Variants in VAV3 observed in about 807,000 individuals in gnomAD.
VAV3 encodes vav guanine nucleotide exchange factor 3, also known as guanine nucleotide exchange factor VAV3.
VAV3 carries 94 observed loss-of-function variants against 131.2 expected under a neutral mutation model. That is an observed-to-expected ratio of 0.72 (90% CI 0.61 to 0.85). The LOEUF (loss-of-function observed/expected upper bound fraction) is 0.85. VAV3 is among the 40% of genes least tolerant of loss of function. VAV3 has a pLI of 0.00. For synonymous variants in VAV3, 349 were observed against 342.0 expected, an observed-to-expected ratio of 1.02 and a Z score of -0.22; for missense variants, 939 against 1,002.7, an observed-to-expected ratio of 0.94 and a Z score of 0.86.
At chr1:107,583,676 T>G (rs917750282) in intron 25 of VAV3, among the ~76,000 whole-genome samples, 1 of 151,454 alleles carries the variant, frequency 6.6e-6, no homozygotes. Flanking sequence ...GAGAATAAAA[T>G]ACCTAGGAAT....
chr1:107,639,888 TGTA>T (rs1426181449), intron 20 of VAV3, among the ~76,000 whole-genome samples: 1 of 151,334 alleles, frequency 6.6e-6, no homozygotes, highest in African/African-American at 2.4e-5. Context: ...GAGCTACGAT[TGTA>T]GTACCACACA....
At chr1:107,582,405 G>GTA (rs998559305) in intron 25 of VAV3, among the ~76,000 whole-genome samples, 5 of 152,032 alleles carry the variant, frequency 3.3e-5, no homozygotes, top group South Asian at 2.1e-4. Context: ...ACTGCTTATT[G>GTA]TATATATATA....
At chr1:107,928,675 C>G (rs1673274692) in intron 1 of VAV3, among the ~76,000 whole-genome samples, 1 of 151,986 alleles carries the variant, frequency 6.6e-6, no homozygotes, top group Non-Finnish European at 1.5e-5. Context: ...GTGAGCTTGA[C>G]AGCAGGCTAG....
intron 12 of VAV3, among the ~76,000 whole-genome samples, chr1:107,751,673 GC>G (rs1450031556): frequency 6.7e-6 from 1 of 149,976 alleles, no homozygotes; most frequent in East Asian, 2.0e-4. Flanking sequence ...ACAGAAAGGG[GC>G]GGGGGGGCGC....
At chr1:107,573,485 T>G in intron 26 of VAV3, 113 bp from the exon 27 acceptor site, 1 of 1,276,152 alleles carries the variant, frequency 7.8e-7, no homozygotes, top group Non-Finnish European at 1.1e-6. Flanking sequence ...TGGGGTTTTA[T>G]GTCCATTGTA....
At chr1:107,891,892 T>C (rs1280203902) in intron 1 of VAV3, among the ~76,000 whole-genome samples, 1 of 150,200 alleles carries the variant, frequency 6.7e-6, no homozygotes, top group African/African-American at 2.4e-5. Flanking sequence ...CAGGCTGCTT[T>C]CAAGTCACCC....
chr1:107,737,185 A>G (rs1662697877), intron 15 of VAV3, among the ~76,000 whole-genome samples: 1 of 152,196 alleles, frequency 6.6e-6, no homozygotes, highest in Non-Finnish European at 1.5e-5. Flanking sequence ...CCTTCCTTAC[A>G]CCTTATACAA....
chr1:107,607,080 G>T (rs137998136), intron 22 of VAV3, among the ~76,000 whole-genome samples: 1 of 151,150 alleles, frequency 6.6e-6, no homozygotes, highest in Non-Finnish European at 1.5e-5. Context: ...TCAGCCTCCC[G>T]AGTAGCTAGG....
At chr1:107,835,687 G>C (rs147640095) in intron 2 of VAV3, among the ~76,000 whole-genome samples, 190 of 152,312 alleles carry the variant, frequency 1.2e-3, no homozygotes, top group African/African-American at 4.2e-3. Flanking sequence ...TGGAGAGCAA[G>C]CTGGAGGTCC....
At chr1:107,766,019 A>C (rs182456010) in intron 8 of VAV3, among the ~76,000 whole-genome samples, 1 of 152,180 alleles carries the variant, frequency 6.6e-6, no homozygotes, top group Non-Finnish European at 1.5e-5. Context: ...CTAATACTCC[A>C]AAATAGAGTG....
At chr1:107,872,317 GTGC>G (rs1174603568) in intron 2 of VAV3, among the ~76,000 whole-genome samples, 9 of 152,124 alleles carry the variant, frequency 5.9e-5, no homozygotes, top group African/African-American at 9.7e-5. Context: ...AAAACACTAG[GTGC>G]TGCTATCATA....
rs535967708 is a variant in VAV3, at chr1:107,667,887, C to G, written c.1777+15601G>C. On this transcript the variant is annotated intron_variant, in intron 19 of 26. Transcript: ENST00000370056. ...ATGAGCTTCCTTCCTTGCTTGGAAT[C>G]GTAGCATCCCAAGGTTGGCAGAGAC... Among the ~76,000 whole-genome samples, 9 of 152,248 alleles carry G rather than the reference C, an allele frequency of 5.9e-5. No individual in the cohort carries two copies. The South Asian group carries it at 1.9e-3, about 32-fold the overall frequency.
chr1:107,951,092 TATTAAGGGTCCTAC>T (rs112152649), intron 1 of VAV3, among the ~76,000 whole-genome samples: 6,128 of 152,258 alleles, frequency 0.04, 309 homozygotes, highest in African/African-American at 0.12. Context: ...GTACTAATGT[TATTAAGGGTCCTAC>T]ATCATCGTTC....
At chr1:107,649,094 G>A (rs2101558653) in intron 19 of VAV3, among the ~76,000 whole-genome samples, 1 of 152,104 alleles carries the variant, frequency 6.6e-6, no homozygotes, top group East Asian at 1.9e-4. Context: ...GCACTGTATT[G>A]GACAATCTGT....
chr1:107,589,788 A>T (rs1650796377), intron 25 of VAV3, among the ~76,000 whole-genome samples: 1 of 152,204 alleles, frequency 6.6e-6, no homozygotes, highest in Non-Finnish European at 1.5e-5. Context: ...AGGGCAAGGG[A>T]GAAACTAAGT....
intron 2 of VAV3, among the ~76,000 whole-genome samples, chr1:107,801,447 G>A (rs1666823846): frequency 6.6e-6 from 1 of 152,106 alleles, no homozygotes. Flanking sequence ...GGCCTGAGAA[G>A]GACTTTATAC....
In VAV3 at chr1:107,757,275, G is replaced by A. The variant is rs757627565; in HGVS notation, c.1072C>T (p.Leu358Phe). 4 of 1,613,094 alleles carry A rather than the reference G, an allele frequency of 2.5e-6. No individual in the cohort carries two copies. The East Asian group carries it at 6.7e-5, about 27-fold the overall frequency. ...ATCTGCCCTACCTTCATGGCATCAAGAGCCAGTTTCAGATTTGCCTTCTCA... is the reference window on the plus strand; with the variant it reads ...ATCTGCCCTACCTTCATGGCATCAAAAGCCAGTTTCAGATTTGCCTTCTCA... ...PTEKANLKLA[L>F]DAMKDLAQYV... Residue 358 changes from leucine (L) to phenylalanine (F), a missense_variant, in exon 11 of 27, where the codon CTT (leucine) becomes TTT (phenylalanine). Coordinates refer to ENST00000370056, the MANE Select transcript of VAV3 (RefSeq NM_006113.5).
intron 2 of VAV3, among the ~76,000 whole-genome samples, chr1:107,853,350 G>GTCTCT (rs1669314246): frequency 6.6e-6 from 1 of 152,110 alleles, no homozygotes; most frequent in African/African-American, 2.4e-5. Context: ...TAGGAGACAA[G>GTCTCT]TGTTTTCCAT....
chr1:107,740,577 C>T (rs1329706534), intron 15 of VAV3, among the ~76,000 whole-genome samples: 1 of 151,664 alleles, frequency 6.6e-6, no homozygotes, highest in Non-Finnish European at 1.5e-5. Context: ...ATCATGATAG[C>T]CTAAGCAGGA....
Sources: gnomAD v4.1 joint callset for allele counts (sites outside exome capture counted in the v4.1 genomes callset) on GRCh38, gnomAD v4.1.1 for gene constraint, MANE v1.5 for transcripts, NCBI Gene and HGNC (gene_info 2026-07-23, HGNC 2026-07-21) for gene names.